The following IL16 variants were observed in gnomAD, a reference collection of about 807,000 sequenced individuals.
IL16 encodes the protein interleukin 16.
A neutral mutation model predicts 110.1 loss-of-function variants in IL16; 67 were observed. The observed-to-expected ratio is 0.61, with a 90% CI of 0.50 to 0.75. IL16 has a LOEUF of 0.75. Ranked by LOEUF, IL16 falls within the 30% of genes least tolerant of loss-of-function variation. The pLI is 0.00. For synonymous variants in IL16, 689 were observed against 662.9 expected (o/e 1.04, Z -0.61); for missense variants, 1,545 against 1,655.0 (o/e 0.93, Z 1.15).
intron 1 of IL16, among the ~76,000 whole-genome samples, chr15:81,211,199 A>G (rs538098674): frequency 4.7e-5 from 7 of 150,502 alleles, no homozygotes; most frequent in Non-Finnish European, 8.8e-5. Context: ...AGCTGGGACT[A>G]TAGGCACATG....
intron 2 of IL16, among the ~76,000 whole-genome samples, chr15:81,231,376 C>T (rs1896978637): frequency 6.8e-6 from 1 of 146,674 alleles, no homozygotes; most frequent in African/African-American, 2.6e-5. Flanking sequence ...CTCTCTCTCT[C>T]TCTCTCCCTC....
intron 11 of IL16, among the ~76,000 whole-genome samples, chr15:81,291,364 C>A (rs1267868488): frequency 6.6e-6 from 1 of 152,094 alleles, no homozygotes; most frequent in East Asian, 1.9e-4. Flanking sequence ...CTGATAGGAA[C>A]ACAGGTGAAG....
chr15:81,267,826 T>C (rs1898459176), intron 4 of IL16, among the ~76,000 whole-genome samples: 1 of 152,162 alleles, frequency 6.6e-6, no homozygotes, highest in East Asian at 1.9e-4. Context: ...TTTTCTCTAT[T>C]CAGGACTTCA....
chr15:81,234,386 T>G (rs1442119075), intron 2 of IL16, among the ~76,000 whole-genome samples: 1 of 152,184 alleles, frequency 6.6e-6, no homozygotes, highest in Admixed American at 6.5e-5. Context: ...TACTATTCCA[T>G]TTCCCCTATG....
intron 1 of IL16, among the ~76,000 whole-genome samples, chr15:81,212,795 C>T (rs1038077977): frequency 6.6e-6 from 1 of 152,094 alleles, no homozygotes. Flanking sequence ...ATATAGCTAG[C>T]TGTCTATCAA....
At chr15:81,246,055 A>G (rs375736669) in intron 2 of IL16, among the ~76,000 whole-genome samples, 9 of 152,106 alleles carry the variant, frequency 5.9e-5, no homozygotes, top group East Asian at 1.9e-4. Context: ...TCTTTTATCT[A>G]TAGATTTTAT....
At chr15:81,232,042 GTT>G in intron 2 of IL16, among the ~76,000 whole-genome samples, 11 of 57,700 alleles carry the variant, frequency 1.9e-4, no homozygotes, top group African/African-American at 6.4e-4. Context: ...ATTTGTTCTT[GTT>G]TTTTTTTTTT....
At chr15:81,219,208 C>G (rs1156547250) in intron 1 of IL16, among the ~76,000 whole-genome samples, 2 of 152,100 alleles carry the variant, frequency 1.3e-5, no homozygotes, top group African/African-American at 4.8e-5. Context: ...TGTGGACATC[C>G]CTATGTGTAG....
intron 12 of IL16, among the ~76,000 whole-genome samples, chr15:81,293,297 TTG>T (rs1428385462): frequency 6.6e-6 from 1 of 152,228 alleles, no homozygotes; most frequent in Non-Finnish European, 1.5e-5. Context: ...GGTTCCTTTC[TTG>T]TGTCATTTTT....
chr15:81,265,601 G>A (rs1273211539), intron 3 of IL16, 58 bp from the exon 4 acceptor site: 7 of 1,592,146 alleles, frequency 4.4e-6, no homozygotes, highest in Non-Finnish European at 6.0e-6. Flanking sequence ...GTTCTTAGTT[G>A]AACTTTGCAT....
rs571616504 is a variant in IL16, at chr15:81,236,594, G to A, written c.312+10883G>A. ...TCCTGAAAGCTAGTTTTAGGAGTTG[G>A]CCTTTTGAATTTCATTAGCTCTGGC... On this transcript the variant is annotated intron_variant, in intron 2 of 18. Coordinates refer to ENST00000683961, the MANE Select transcript of IL16 (RefSeq NM_172217.5). 6.6e-5 allele frequency among the ~76,000 whole-genome samples: 10 copies of A among 152,330 alleles called. No individual in the cohort carries two copies. The South Asian group carries it at 1.7e-3, about 25-fold the overall frequency.
chr15:81,204,760 AAG>A (rs111438572), intron 1 of IL16, among the ~76,000 whole-genome samples: 5,203 of 130,638 alleles, frequency 0.04, 316 homozygotes, highest in African/African-American at 0.16. Context: ...AAAAAAAAAA[AAG>A]AAAAAAAAGA....
intron 1 of IL16, among the ~76,000 whole-genome samples, chr15:81,201,101 C>G (rs1039295993): frequency 1.3e-5 from 2 of 152,106 alleles, no homozygotes; most frequent in African/African-American, 4.8e-5. Context: ...GACAATGCAT[C>G]CCCTGCATTG....
chr15:81,230,875 G>T (rs1236528003), intron 2 of IL16, among the ~76,000 whole-genome samples: 1 of 152,074 alleles, frequency 6.6e-6, no homozygotes, highest in Admixed American at 6.5e-5. Context: ...GCGGACAAAG[G>T]TAGGATTCCC....
intron 11 of IL16, chr15:81,292,041 G>C (rs1162504887): frequency 4.4e-6 from 2 of 452,434 alleles, no homozygotes; most frequent in African/African-American, 4.0e-5. Flanking sequence ...GGTAGACAGA[G>C]GGAGGACGGA....
chr15:81,250,700 C>T (rs1235930778), intron 2 of IL16, among the ~76,000 whole-genome samples: 1 of 152,084 alleles, frequency 6.6e-6, no homozygotes, highest in Non-Finnish European at 1.5e-5. Context: ...AAAAAGATGT[C>T]CATATGTATT....
intron 7 of IL16, 99 bp downstream of exon 7, chr15:81,278,989 C>T: frequency 1.2e-6 from 1 of 825,838 alleles, no homozygotes; most frequent in Non-Finnish European, 2.1e-6. Context: ...CTGTGGAACC[C>T]TTCACATGAG....
intron 2 of IL16, among the ~76,000 whole-genome samples, chr15:81,229,707 C>A (rs1896907037): frequency 6.6e-6 from 1 of 152,122 alleles, no homozygotes; most frequent in Admixed American, 6.5e-5. Flanking sequence ...TACTCAATAG[C>A]CCACACCCAC....
Position 81,300,049 on chromosome 15 carries a change from C to G in IL16, c.2723C>G (p.Ser908Cys), listed in dbSNP as rs1900193725. The change falls in exon 14 of 19, where the codon TCC (serine) becomes TGC (cysteine). Residue 908 changes from serine (S) to cysteine (C), a missense_variant. Coordinates refer to ENST00000683961, the MANE Select transcript of IL16 (RefSeq NM_172217.5). ...CCTGAGCAAGTACTGTCCTCGGGGT[C>G]CCCTGCAGCCTCCGAGGCCAGAGAC... ...QQPEQVLSSG[S>C]PAASEARDPG... 1.9e-6 allele frequency: 3 copies of G among 1,566,800 alleles called. No individual in the cohort carries two copies. The highest frequency in any genetic ancestry group is 1.7e-6 in the Non-Finnish European group (2 of 1,158,356).
Sources: allele counts gnomAD v4.1 joint callset (sites outside exome capture counted in the v4.1 genomes callset), GRCh38; gene constraint gnomAD v4.1.1; transcripts MANE v1.5; gene names NCBI Gene and HGNC (gene_info 2026-07-23, HGNC 2026-07-21).